SLC38A7: variants seen among roughly 807,000 people sequenced by gnomAD.
SLC38A7 encodes the protein sodium-coupled neutral amino acid transporter 7.
Under a neutral mutation model 50.1 loss-of-function variants are expected in SLC38A7, and 29 were observed. The observed-to-expected ratio is 0.58, with a 90% confidence interval of 0.43 to 0.79. SLC38A7 has a LOEUF of 0.79. Ranked by LOEUF, SLC38A7 falls within the 30% of genes least tolerant of loss-of-function variation. SLC38A7 has a pLI of 0.00. For synonymous variants in SLC38A7, 244 were observed against 245.9 expected, an observed-to-expected ratio of 0.99 and a Z score of 0.07; for missense variants, 483 against 610.6, an observed-to-expected ratio of 0.79 and a Z score of 2.20.
intron 6 of SLC38A7, among the ~76,000 whole-genome samples, chr16:58,676,855 C>T (rs1049007618): frequency 6.6e-6 from 1 of 152,012 alleles, no homozygotes; most frequent in African/African-American, 2.4e-5. Flanking sequence ...GGGGTTTCAC[C>T]GTGTTAGCCA....
intron 2 of SLC38A7, 51 bp downstream of exon 2, chr16:58,683,904 G>A (rs1001542193): frequency 1.3e-5 from 2 of 152,224 alleles, no homozygotes; most frequent in African/African-American, 2.4e-5. Flanking sequence ...AAGACCTCTC[G>A]GCACCCCCAC....
At chr16:58,672,892 A>C (rs1597667784) in intron 8 of SLC38A7, among the ~76,000 whole-genome samples, 1 of 150,478 alleles carries the variant, frequency 6.6e-6, no homozygotes, top group African/African-American at 2.4e-5. Context: ...CTCCTACCTC[A>C]CCCTCCCAGA....
In SLC38A7 at chr16:58,683,359, GGGGACCATCCACTCATGAGA is replaced by G. The variant is rs1304855132; in HGVS notation, c.-116+576_-116+595del. Among the ~76,000 whole-genome samples, 3 of 152,160 alleles carry G rather than the reference GGGGACCATCCACTCATGAGA, an allele frequency of 2.0e-5. No homozygotes were observed. The East Asian group carries it at 5.8e-4, about 29-fold the overall frequency. ...CTCCTGATGATGGACAAACAAAGCT[GGGGACCATCCACTCATGAGA>G]GGGAAAGGGTGAAAGTTCATGTGCT... On this transcript the variant is annotated intron_variant, in intron 2 of 11. Transcript: ENST00000219320.
In SLC38A7 at chr16:58,670,132, C is replaced by T. The variant is rs780314890; in HGVS notation, c.1267G>A (p.Glu423Lys). Residue 423 changes from glutamate to lysine, a missense_variant, in exon 11 of 12, where the codon GAA becomes AAA. Physicochemically the swap from Glu to Lys is moderately conservative, Grantham distance 56. Transcript: ENST00000219320. ...CTTTACCTGGCTGGTTTGACCTCTT[C>T]CATCTCAGAGAGTTTGGCTTGAATG... is the stretch of plus-strand genomic sequence containing the variant. ...CLIQAKLSEMEEVKPASWWVL... is the reference protein window; with the variant it reads ...CLIQAKLSEMKEVKPASWWVL... 2.5e-6 allele frequency: 4 copies of T among 1,614,080 alleles called. No individual in the cohort carries two copies. The highest frequency in any genetic ancestry group is 3.4e-6 in the Non-Finnish European group (4 of 1,180,022).
intron 6 of SLC38A7, among the ~76,000 whole-genome samples, chr16:58,677,104 G>C (rs945163978): frequency 2.0e-5 from 3 of 152,158 alleles, no homozygotes; most frequent in African/African-American, 4.8e-5. Flanking sequence ...CTCATCTGTT[G>C]GATGTAGGTG....
intron 11 of SLC38A7, among the ~76,000 whole-genome samples, chr16:58,668,913 G>A (rs1479685127): frequency 7.4e-6 from 1 of 135,048 alleles, no homozygotes; most frequent in African/African-American, 2.6e-5. Flanking sequence ...AGGACTACAG[G>A]CATGCGCCAC....
chr16:58,677,411 C>T lies in SLC38A7; in HGVS notation c.625G>A (p.Val209Met), dbSNP rs150179301. Reference sequence around the variant, plus strand: ...ATGGCTGTGACGTACCAGGTACCCACGACGCTCAGGAAGCTGCCGGGAAGG... The same window carrying T: ...ATGGCTGTGACGTACCAGGTACCCATGACGCTCAGGAAGCTGCCGGGAAGG... Reference protein sequence around the residue: ...FQKYASFLSVVGTWYVTAIVI... With the variant: ...FQKYASFLSVMGTWYVTAIVI... Residue 209 changes from valine to methionine, a missense_variant, in exon 6 of 12, where the codon GTG (valine) becomes ATG (methionine). Physicochemically the swap from Val to Met is conservative, Grantham distance 21. Coordinates refer to ENST00000219320, the MANE Select transcript of SLC38A7 (RefSeq NM_018231.3). 36 of 1,613,934 alleles carry T rather than the reference C, an allele frequency of 2.2e-5. No individual in the cohort carries two copies. The highest frequency in any genetic ancestry group is 1.7e-4 in the African/African-American group (13 of 74,912).
intron 8 of SLC38A7, among the ~76,000 whole-genome samples, chr16:58,672,707 T>C (rs1198020038): frequency 6.6e-6 from 1 of 152,110 alleles, no homozygotes; most frequent in Non-Finnish European, 1.5e-5. Flanking sequence ...AGCGCAGTAG[T>C]GTGATCATGG....
intron 11 of SLC38A7, among the ~76,000 whole-genome samples, chr16:58,668,693 C>CA (rs1181899440): frequency 5.1e-5 from 5 of 97,794 alleles, no homozygotes; most frequent in Non-Finnish European, 9.1e-5. Context: ...CCAGCCTGGG[C>CA]AACGAGTGAA....
rs753212778 is a variant in SLC38A7, at chr16:58,676,074, C to A, written c.769-20G>T. ...GTGGCACTGTCCAGGTGAAGGGCAC[C>A]GTCATGGTGGGGAAATGACCTCAAC... On this transcript the variant is annotated intron_variant, in intron 7 of 11. Coordinates refer to ENST00000219320, the MANE Select transcript of SLC38A7 (RefSeq NM_018231.3). 1.2e-6 allele frequency: 2 copies of A among 1,608,488 alleles called. No homozygotes were observed. The highest frequency in any genetic ancestry group is 2.2e-5 in the South Asian group (2 of 90,534).
chr16:58,670,217 T>C (rs762565674), intron 10 of SLC38A7, 50 bp from the exon 11 acceptor site: 22 of 1,573,372 alleles, frequency 1.4e-5, no homozygotes, highest in Non-Finnish European at 1.8e-5. Flanking sequence ...GAGGGCTCCC[T>C]CCCTCCTAGC....
intron 8 of SLC38A7, chr16:58,675,408 T>C (rs1597671537): frequency 2.6e-6 from 1 of 388,382 alleles, no homozygotes; most frequent in East Asian, 7.4e-5. Context: ...CCAGCTACTC[T>C]GGAGGCTGAG....
intron 11 of SLC38A7, 151 bp downstream of exon 11, chr16:58,669,962 G>A (rs1388753191): frequency 1.9e-5 from 13 of 677,306 alleles, no homozygotes; most frequent in Non-Finnish European, 2.4e-5. Flanking sequence ...GCGACACAGC[G>A]AGACTCCGGC....
chr16:58,682,766 G>A (rs561270010), intron 2 of SLC38A7, among the ~76,000 whole-genome samples: 2 of 152,158 alleles, frequency 1.3e-5, no homozygotes, highest in African/African-American at 4.8e-5. Flanking sequence ...TGAGTAGCTG[G>A]GATTACAGGT....
At chr16:58,671,447 T>C in intron 9 of SLC38A7, 1 of 600,688 alleles carries the variant, frequency 1.7e-6, no homozygotes, top group Non-Finnish European at 3.0e-6. Context: ...CTTAGCACTT[T>C]GCTTTACATC....
chr16:58,670,601 G>A (rs1285319934), intron 10 of SLC38A7, among the ~76,000 whole-genome samples: 2 of 152,224 alleles, frequency 1.3e-5, no homozygotes, highest in African/African-American at 4.8e-5. Context: ...CGGTAGATCT[G>A]TGTCTGGAAC....
Position 58,676,283 on chromosome 16 carries a change from T to G in SLC38A7, c.768+6A>C, listed in dbSNP as rs887137493. The G allele has an allele frequency of 6.2e-6, 10 of 1,614,182 alleles. No individual in the cohort carries two copies. The highest frequency in any genetic ancestry group is 8.5e-6 in the Non-Finnish European group (10 of 1,180,034). Reference sequence around the variant, plus strand: ...ACAGCAGGGACCTTGCAACTGGCACTGGCACCTGAAATCCGAAGCAGATGG... The same window carrying G: ...ACAGCAGGGACCTTGCAACTGGCACGGGCACCTGAAATCCGAAGCAGATGG... On this transcript the variant is annotated splice_donor_region_variant and intron_variant, in intron 7 of 11. Coordinates refer to ENST00000219320, the MANE Select transcript of SLC38A7 (RefSeq NM_018231.3).
At position 58,675,976 on chromosome 16, in the gene SLC38A7, C is replaced by T; in HGVS notation, c.847G>A (p.Ala283Thr). ...VKTWGGVVTA[A>T]MVIALAVYMG... The stretch of plus-strand genomic sequence containing the variant: ...TAGACAGCGAGGGCTATGACCATGG[C>T]AGCTGTCACCACTCCACCCCAGGTC... Residue 283 changes from alanine (A) to threonine (T), a missense_variant, in exon 8 of 12, where the codon GCC becomes ACC. Transcript: ENST00000219320. 6 of 1,613,564 alleles carry T rather than the reference C, an allele frequency of 3.7e-6. No homozygotes were observed. Among genetic ancestry groups the T allele is most frequent in the Non-Finnish European group, 5.1e-6 (6 of 1,179,812 alleles).
Position 58,679,944 on chromosome 16 carries a change from G to C in SLC38A7, c.183C>G (p.Val61=). 1 of 1,611,988 alleles carries C rather than the reference G, an allele frequency of 6.2e-7. No homozygotes were observed. The highest frequency in any genetic ancestry group is 8.5e-7 in the Non-Finnish European group (1 of 1,178,646). ...TSTLGAIFIV[V]NACLGAGLLN... is the part of the protein sequence containing the mutation. ...GTAACCCTGCACCCAGGCACGCGTT[G>C]ACGACGATGAAGATGGCCCCAAGTG... is the stretch of plus-strand genomic sequence containing the variant. The change falls in exon 3 of 12, where the codon GTC becomes GTG. Residue 61 remains valine (V), a synonymous_variant. Coordinates refer to ENST00000219320, the MANE Select transcript of SLC38A7 (RefSeq NM_018231.3).
Sources: allele counts gnomAD v4.1 joint callset (sites outside exome capture counted in the v4.1 genomes callset), GRCh38; gene constraint gnomAD v4.1.1; transcripts MANE v1.5; gene names NCBI Gene and HGNC (gene_info 2026-07-23, HGNC 2026-07-21).